Variants in CHN2 observed in about 807,000 individuals in gnomAD.
CHN2 encodes the protein chimerin 2, also known as beta-chimaerin.
In CHN2, 35 loss-of-function variants were observed where a neutral mutation model predicts 56.3. That is an observed-to-expected ratio of 0.62 (90% confidence interval 0.47 to 0.82). CHN2 has a LOEUF of 0.82. CHN2 is among the 40% of genes least tolerant of loss of function. CHN2 has a pLI of 0.00. For missense variants in CHN2, 491 were observed against 580.5 expected (o/e 0.85, Z 1.58); for synonymous variants, 210 against 212.8 (o/e 0.99, Z 0.12).
At chr7:29,506,138 G>A (rs1790536582) in intron 10 of CHN2, among the ~76,000 whole-genome samples, 1 of 152,124 alleles carries the variant, frequency 6.6e-6, no homozygotes, top group Admixed American at 6.5e-5. Context: ...GTCAAAAAAT[G>A]TCTTGAGAAC....
intron 1 of CHN2, among the ~76,000 whole-genome samples, chr7:29,251,358 G>T (rs1788504954): frequency 6.6e-6 from 1 of 152,144 alleles, no homozygotes; most frequent in South Asian, 2.1e-4. Flanking sequence ...GGAGGCTGAG[G>T]TGGGAGGATC....
chr7:29,442,930 A>ATTTTTTTTTTT (rs1238691449), intron 6 of CHN2, among the ~76,000 whole-genome samples: 3 of 102,180 alleles, frequency 2.9e-5, no homozygotes, highest in Non-Finnish European at 3.8e-5. Flanking sequence ...ATTTCATTGA[A>ATTTTTTTTTTT]TTTCTTTTTT....
chr7:29,306,074 A>G (rs1162893324), intron 1 of CHN2, among the ~76,000 whole-genome samples: 1 of 152,046 alleles, frequency 6.6e-6, no homozygotes, highest in Non-Finnish European at 1.5e-5. Context: ...GTATCTCAGG[A>G]TGTTCCCAAT....
At chr7:29,147,137 G>A in intron 2 of CHN2, 1 of 828,652 alleles carries the variant, frequency 1.2e-6, no homozygotes, top group Non-Finnish European at 1.8e-6. Flanking sequence ...TGACCTGAGT[G>A]TATATTATTA....
intron 3 of CHN2, among the ~76,000 whole-genome samples, chr7:29,377,625 A>G (rs1007733935): frequency 7.8e-5 from 11 of 141,138 alleles, no homozygotes; most frequent in African/African-American, 2.9e-4. Flanking sequence ...CGAATTTGCT[A>G]ATAAAAGCCA....
At chr7:29,486,538 G>A (rs1301737734) in intron 7 of CHN2, among the ~76,000 whole-genome samples, 1 of 152,294 alleles carries the variant, frequency 6.6e-6, no homozygotes. Context: ...GAGCGGGCGG[G>A]TAAGGGGGAG....
At chr7:29,404,812 A>G (rs755910839) in intron 6 of CHN2, among the ~76,000 whole-genome samples, 10 of 152,084 alleles carry the variant, frequency 6.6e-5, no homozygotes, top group Non-Finnish European at 1.0e-4. Context: ...CGATCCTCCC[A>G]TCTCAGCCTC....
rs145073049 is a variant in CHN2 at position 29,272,145 on chromosome 7, C to T, written c.49+77155C>T. Reference sequence around the variant, plus strand: ...GGATGCTTGATTTGTAACATGCTGCCGACTGGATGGGCCGTTCTCCTGCCC... The same window carrying T: ...GGATGCTTGATTTGTAACATGCTGCTGACTGGATGGGCCGTTCTCCTGCCC... On this transcript the variant is annotated intron_variant, in intron 1 of 12. Transcript: ENST00000222792. Among the ~76,000 whole-genome samples the T allele has an allele frequency of 1.0e-3, 159 of 151,562 alleles. 1 individual carries two copies. Among genetic ancestry groups the T allele is most frequent in the Non-Finnish European group, 1.3e-3 (90 of 68,002 alleles).
At chr7:29,443,796 G>A (rs1783842973) in intron 6 of CHN2, among the ~76,000 whole-genome samples, 1 of 152,074 alleles carries the variant, frequency 6.6e-6, no homozygotes, top group Non-Finnish European at 1.5e-5. Context: ...GTGAGACAAA[G>A]GCTCTCCCTG....
intron 1 of CHN2, among the ~76,000 whole-genome samples, chr7:29,279,368 C>T (rs1791492854): frequency 6.6e-6 from 1 of 152,222 alleles, no homozygotes; most frequent in African/African-American, 2.4e-5. Context: ...AAAACTATTG[C>T]TATAGGTGGC....
intron 6 of CHN2, among the ~76,000 whole-genome samples, chr7:29,455,161 A>G (rs1406237806): frequency 1.3e-5 from 2 of 152,174 alleles, no homozygotes; most frequent in Non-Finnish European, 2.9e-5. Context: ...AGAAATGCAC[A>G]CATTTTGAGC....
At chr7:29,362,609 A>G (rs1025548399) in intron 2 of CHN2, among the ~76,000 whole-genome samples, 2 of 152,166 alleles carry the variant, frequency 1.3e-5, no homozygotes, top group African/African-American at 2.4e-5. Flanking sequence ...CTGGCTCAGC[A>G]GCCACACTGG....
chr7:29,162,452 G>A (rs1194244088), intron 2 of CHN2, among the ~76,000 whole-genome samples: 10 of 151,952 alleles, frequency 6.6e-5, no homozygotes, highest in African/African-American at 1.7e-4. Context: ...ACCTGAGGTC[G>A]GGAGTTCAAG....
chr7:29,455,315 G>A (rs756085819), intron 6 of CHN2, among the ~76,000 whole-genome samples: 1 of 152,198 alleles, frequency 6.6e-6, no homozygotes, highest in Non-Finnish European at 1.5e-5. Flanking sequence ...CATAATAAGA[G>A]TGTCAATCAG....
intron 1 of CHN2, among the ~76,000 whole-genome samples, chr7:29,258,120 C>T (rs759673396): frequency 6.6e-6 from 1 of 152,130 alleles, no homozygotes; most frequent in African/African-American, 2.4e-5. Context: ...ACTTTCATCT[C>T]TCTCTCTTGC....
At chr7:29,472,393 C>T (rs1191631105) in intron 6 of CHN2, among the ~76,000 whole-genome samples, 3 of 151,880 alleles carry the variant, frequency 2.0e-5, no homozygotes, top group Non-Finnish European at 4.4e-5. Context: ...ACCCACAGAG[C>T]GTGAAAACAA....
intron 6 of CHN2, among the ~76,000 whole-genome samples, chr7:29,451,117 C>T (rs527358565): frequency 3.3e-5 from 5 of 152,220 alleles, no homozygotes; most frequent in South Asian, 4.1e-4. Flanking sequence ...GAAACAACAA[C>T]GCACCCCCAC....
Position 29,447,170 on chromosome 7 carries a change from A to G in CHN2, c.577-33109A>G, listed in dbSNP as rs891490239. 1.1e-4 allele frequency among the ~76,000 whole-genome samples: 16 copies of G among 152,324 alleles called. 1 individual carries two copies. The South Asian group carries it at 2.3e-3, about 22-fold the overall frequency. ...GGGGACTAGTCAATCCAGAACTAAC[A>G]GAGATGCTACAATGAGCAGACAAGG... On this transcript the variant is annotated intron_variant, in intron 6 of 12. Coordinates refer to ENST00000222792, the MANE Select transcript of CHN2 (RefSeq NM_004067.4).
rs77149259 is a variant in CHN2, at chr7:29,471,005, G to A, written c.577-9274G>A. ...AAGGAAGATAGTAGCTGGGAACTTC[G>A]TAATAGCTGCTTCTCCCTTAGGTTT... On this transcript the variant is annotated intron_variant, in intron 6 of 12. Transcript: ENST00000222792. 8.5e-5 allele frequency among the ~76,000 whole-genome samples: 13 copies of A among 152,296 alleles called. No individual in the cohort carries two copies. In the East Asian group the frequency reaches 2.1e-3, roughly 25 times the overall value.
Sources: allele counts gnomAD v4.1 joint callset (sites outside exome capture counted in the v4.1 genomes callset), GRCh38; gene constraint gnomAD v4.1.1; transcripts MANE v1.5; gene names NCBI Gene and HGNC (gene_info 2026-07-23, HGNC 2026-07-21).